Variants in GUCY1A2 observed in about 807,000 individuals in gnomAD.
GUCY1A2 encodes guanylate cyclase 1 soluble subunit alpha 2.
GUCY1A2 carries 27 observed loss-of-function variants against 63.5 expected under a neutral mutation model. The observed-to-expected ratio is 0.43, with a 90% CI of 0.31 to 0.59. The LOEUF is 0.59. Among genes scored for constraint, GUCY1A2 ranks in the 20% least tolerant of loss-of-function variants. GUCY1A2 has a pLI of 0.11. For synonymous variants in GUCY1A2, 364 were observed against 343.5 expected (o/e 1.06, Z -0.66); for missense variants, 768 against 913.3 (o/e 0.84, Z 2.05).
At chr11:106,810,558 G>A in intron 4 of GUCY1A2, 80 bp from the exon 5 acceptor site, 3 of 1,212,664 alleles carry the variant, frequency 2.5e-6, no homozygotes, top group Non-Finnish European at 2.3e-6. Context: ...CTGATGAATA[G>A]AAAGAAAAAA....
At chr11:106,982,611 G>GATCA (rs1861352082) in intron 2 of GUCY1A2, among the ~76,000 whole-genome samples, 1 of 152,062 alleles carries the variant, frequency 6.6e-6, no homozygotes, top group Non-Finnish European at 1.5e-5. Flanking sequence ...ACTTTAGACG[G>GATCA]GGTGATCAGG....
intron 3 of GUCY1A2, among the ~76,000 whole-genome samples, chr11:106,969,719 T>G (rs771284626): frequency 1.1e-4 from 17 of 152,200 alleles, no homozygotes; most frequent in Non-Finnish European, 1.3e-4. Flanking sequence ...AGAATAATCT[T>G]CCTTCTAACT....
At chr11:106,687,812 T>A in intron 7 of GUCY1A2, 56 bp from the exon 8 acceptor site, 5 of 1,193,122 alleles carry the variant, frequency 4.2e-6, no homozygotes, top group Non-Finnish European at 6.3e-6. Context: ...TGTAAATACA[T>A]GGACAGAAAT....
intron 4 of GUCY1A2, among the ~76,000 whole-genome samples, chr11:106,920,885 C>A (rs1192943636): frequency 3.3e-5 from 5 of 152,042 alleles, no homozygotes; most frequent in Non-Finnish European, 7.4e-5. Context: ...AATGGTAATG[C>A]AGTAGCTACT....
At chr11:106,895,078 T>C (rs1464857106) in intron 4 of GUCY1A2, among the ~76,000 whole-genome samples, 41 of 152,116 alleles carry the variant, frequency 2.7e-4, no homozygotes, top group Admixed American at 2.7e-3. Context: ...GACATCACTA[T>C]GCATTCTCTG....
intron 4 of GUCY1A2, among the ~76,000 whole-genome samples, chr11:106,875,757 G>A (rs997641656): frequency 6.6e-6 from 1 of 152,040 alleles, no homozygotes. Context: ...TTCATGTATT[G>A]CAATAGGGAA....
At chr11:106,996,816 T>A (rs1312606052) in intron 1 of GUCY1A2, among the ~76,000 whole-genome samples, 1 of 152,106 alleles carries the variant, frequency 6.6e-6, no homozygotes, top group African/African-American at 2.4e-5. Context: ...TGCTTCCACT[T>A]CTCTTGAAAG....
intron 4 of GUCY1A2, chr11:106,824,111 A>T (rs900237820): frequency 1.3e-6 from 2 of 1,510,030 alleles, no homozygotes; most frequent in Non-Finnish European, 1.8e-6. Context: ...TAGGACCTAA[A>T]GCTAATCTTC....
At chr11:107,016,102 G>A (rs565421089) in intron 1 of GUCY1A2, among the ~76,000 whole-genome samples, 2 of 152,138 alleles carry the variant, frequency 1.3e-5, no homozygotes, top group South Asian at 4.1e-4. Context: ...GACCTGTCTG[G>A]TACCCGTACT....
intron 4 of GUCY1A2, among the ~76,000 whole-genome samples, chr11:106,859,211 C>A (rs1183547429): frequency 1.3e-5 from 2 of 151,894 alleles, no homozygotes; most frequent in Non-Finnish European, 2.9e-5. Context: ...AAACTGTGAA[C>A]CAAGATTGTC....
chr11:106,929,595 C>T (rs1023501661), intron 4 of GUCY1A2, among the ~76,000 whole-genome samples: 23 of 152,156 alleles, frequency 1.5e-4, no homozygotes, highest in African/African-American at 5.3e-4. Flanking sequence ...ACAAAAATAA[C>T]GTGATCATAT....
At chr11:106,936,853 C>T in intron 4 of GUCY1A2, 1 of 519,112 alleles carries the variant, frequency 1.9e-6, no homozygotes, top group Non-Finnish European at 3.4e-6. Flanking sequence ...CTTATAAAAG[C>T]CAACTAAAAA....
chr11:106,744,888 A>G (rs926424580), intron 6 of GUCY1A2, among the ~76,000 whole-genome samples: 1 of 152,160 alleles, frequency 6.6e-6, no homozygotes, highest in Non-Finnish European at 1.5e-5. Flanking sequence ...AAACTGCTAT[A>G]TACTTTAGTT....
At chr11:106,923,469 G>C (rs1408100246) in intron 4 of GUCY1A2, among the ~76,000 whole-genome samples, 1 of 152,166 alleles carries the variant, frequency 6.6e-6, no homozygotes, top group Non-Finnish European at 1.5e-5. Flanking sequence ...TGTCCTACAT[G>C]TGACTGGCCT....
chr11:106,908,214 C>T (rs1173864844), intron 4 of GUCY1A2, among the ~76,000 whole-genome samples: 2 of 151,966 alleles, frequency 1.3e-5, no homozygotes, highest in Non-Finnish European at 2.9e-5. Flanking sequence ...AATTTTACTG[C>T]TTATCATTAG....
At chr11:106,908,427 A>T (rs982183072) in intron 4 of GUCY1A2, among the ~76,000 whole-genome samples, 3 of 152,050 alleles carry the variant, frequency 2.0e-5, no homozygotes, top group African/African-American at 2.4e-5. Context: ...TATTTATGTA[A>T]ATGTGAAATG....
At chr11:107,010,406 C>T (rs1431120435) in intron 1 of GUCY1A2, among the ~76,000 whole-genome samples, 1 of 152,136 alleles carries the variant, frequency 6.6e-6, no homozygotes, top group Admixed American at 6.5e-5. Flanking sequence ...TATAAGCAAT[C>T]CAGACTGTAG....
At chr11:106,738,148 G>A (rs1195726831) in intron 6 of GUCY1A2, among the ~76,000 whole-genome samples, 1 of 152,200 alleles carries the variant, frequency 6.6e-6, no homozygotes, top group Non-Finnish European at 1.5e-5. Flanking sequence ...AATGACCAGT[G>A]ATGATGAGCT....
intron 6 of GUCY1A2, among the ~76,000 whole-genome samples, chr11:106,740,595 T>A (rs890170980): frequency 3.3e-5 from 5 of 150,758 alleles, no homozygotes; most frequent in African/African-American, 1.2e-4. Context: ...TCAAATGCCC[T>A]GTTAGAAATG....
Sources: allele counts gnomAD v4.1 joint callset (sites outside exome capture counted in the v4.1 genomes callset), GRCh38; gene constraint gnomAD v4.1.1; transcripts MANE v1.5; gene names NCBI Gene and HGNC (gene_info 2026-07-23, HGNC 2026-07-21).